PRUNE2: variants seen among roughly 807,000 people sequenced by gnomAD.
The protein encoded by PRUNE2 is protein prune homolog 2.
A neutral mutation model predicts 252.0 loss-of-function variants in PRUNE2; 164 were observed. That is an observed-to-expected ratio of 0.65 (90% CI 0.57 to 0.74). The LOEUF is 0.74. PRUNE2 is among the 30% of genes least tolerant of loss of function. The pLI is 0.00. For synonymous variants in PRUNE2, 1,292 were observed against 1,350.2 expected (o/e 0.96, Z 0.94); for missense variants, 3,495 against 3,711.0 (o/e 0.94, Z 1.51).
intron 16 of PRUNE2, among the ~76,000 whole-genome samples, 186 bp downstream of exon 16, chr9:76,629,006 G>T (rs1836217498): frequency 6.6e-6 from 1 of 152,024 alleles, no homozygotes; most frequent in Admixed American, 6.6e-5. Flanking sequence ...ATCACGCCTG[G>T]CTAATTTTTA....
chr9:76,799,461 T>C (rs1246561839), intron 6 of PRUNE2, among the ~76,000 whole-genome samples: 3 of 152,166 alleles, frequency 2.0e-5, no homozygotes, highest in Non-Finnish European at 2.9e-5. Context: ...AGCATACACA[T>C]TATTACTACA....
At chr9:76,833,930 G>T (rs1420331266) in intron 4 of PRUNE2, among the ~76,000 whole-genome samples, 2 of 147,466 alleles carry the variant, frequency 1.4e-5, no homozygotes, top group African/African-American at 5.0e-5. Context: ...CGCCCAGGCC[G>T]GAGTGCAGTG....
chr9:76,760,449 TCTA>T (rs920710090), intron 6 of PRUNE2, among the ~76,000 whole-genome samples: 2 of 152,164 alleles, frequency 1.3e-5, no homozygotes, highest in Admixed American at 6.5e-5. Flanking sequence ...TTTTCTCTAA[TCTA>T]CTTTTTCCCT....
intron 4 of PRUNE2, among the ~76,000 whole-genome samples, chr9:76,836,932 C>T (rs185715608): frequency 5.9e-5 from 9 of 152,154 alleles, no homozygotes; most frequent in Admixed American, 3.9e-4. Flanking sequence ...TAACGACATC[C>T]GTAATAATCA....
intron 6 of PRUNE2, among the ~76,000 whole-genome samples, chr9:76,750,121 G>C (rs1452349187): frequency 2.6e-5 from 4 of 152,080 alleles, no homozygotes; most frequent in Non-Finnish European, 5.9e-5. Context: ...TCGACCCCTA[G>C]GTACCTCTTC....
chr9:76,776,887 AACACATACACACACACACACAC>A (rs1382525363), intron 6 of PRUNE2, among the ~76,000 whole-genome samples: 49 of 96,556 alleles, frequency 5.1e-4, no homozygotes, highest in Admixed American at 1.9e-3. Flanking sequence ...TCATTACCAA[AACACATACACACACACACACAC>A]ACACACACAC....
Position 76,716,399 on chromosome 9 carries a change from T to C in PRUNE2, c.757-2678A>G, listed in dbSNP as rs530306165. Among the ~76,000 whole-genome samples the C allele has an allele frequency of 2.0e-5, 3 of 152,276 alleles. No homozygotes were observed. In the East Asian group the frequency reaches 5.8e-4, roughly 29 times the overall value. ...CTAGGAATTGGAATGCACGTTGAAA[T>C]CTGAAAAGCACTACTCCAGAGAGGG... On this transcript the variant is annotated intron_variant, in intron 6 of 18. Coordinates refer to ENST00000376718, the MANE Select transcript of PRUNE2 (RefSeq NM_015225.3).
At chr9:76,748,527 G>C (rs2050336483) in intron 6 of PRUNE2, 1 of 152,178 alleles carries the variant, frequency 6.6e-6, no homozygotes, top group Admixed American at 6.5e-5. Context: ...ATGGGTTTTG[G>C]GGGTAATAAA....
intron 1 of PRUNE2, among the ~76,000 whole-genome samples, chr9:76,856,035 A>G (rs1052095853): frequency 2.0e-5 from 3 of 152,254 alleles, no homozygotes; most frequent in Non-Finnish European, 4.4e-5. Flanking sequence ...AGGAAATCAT[A>G]TTACTGCAGA....
At chr9:76,765,635 T>C (rs549828459) in intron 6 of PRUNE2, among the ~76,000 whole-genome samples, 3 of 152,154 alleles carry the variant, frequency 2.0e-5, no homozygotes, top group Admixed American at 6.5e-5. Context: ...CCTCCACCCA[T>C]CCTTCCCTCC....
chr9:76,715,580 A>T (rs1417961528), intron 6 of PRUNE2, among the ~76,000 whole-genome samples: 2 of 152,242 alleles, frequency 1.3e-5, no homozygotes, highest in African/African-American at 4.8e-5. Flanking sequence ...TGATCATATA[A>T]GTCATATGCG....
chr9:76,767,787 G>C (rs761690327), intron 6 of PRUNE2, among the ~76,000 whole-genome samples: 1 of 152,144 alleles, frequency 6.6e-6, no homozygotes, highest in Non-Finnish European at 1.5e-5. Flanking sequence ...AACCCAGCTG[G>C]AGGGAGTGCA....
chr9:76,755,031 T>C (rs904733534), intron 6 of PRUNE2, among the ~76,000 whole-genome samples: 83 of 151,682 alleles, frequency 5.5e-4, no homozygotes, highest in Admixed American at 1.3e-4. Context: ...TTTTTATGGT[T>C]CCTTATCGCT....
At chr9:76,856,090 T>C (rs1291273245) in intron 1 of PRUNE2, among the ~76,000 whole-genome samples, 1 of 152,232 alleles carries the variant, frequency 6.6e-6, no homozygotes, top group Non-Finnish European at 1.5e-5. Context: ...AGACATTACC[T>C]CATTTCTCTT....
intron 12 of PRUNE2, among the ~76,000 whole-genome samples, chr9:76,641,423 TC>T (rs962963199): frequency 5.3e-5 from 8 of 152,200 alleles, no homozygotes; most frequent in Non-Finnish European, 1.2e-4. Context: ...CTGTAATTTT[TC>T]TATAGCTGCT....
At position 76,638,248 on chromosome 9, in the gene PRUNE2, G is replaced by A. The variant is rs758270246; in HGVS notation, c.8769C>T (p.Ala2923=). ...GACTGCTGTCTGGCAGAAAACAGGC[G>A]GCAAACACAATGATGGCATTTAGAC... The part of the protein sequence containing the change: ...GDGLNAIIVF[A]ACFLPDSSRA... The change falls in exon 13 of 19, where the codon GCC becomes GCT. Residue 2923 remains alanine, a synonymous_variant. Transcript: ENST00000376718. The A allele has an allele frequency of 2.3e-5, 37 of 1,613,772 alleles. No individual in the cohort carries two copies. Among genetic ancestry groups the A allele is most frequent in the Middle Eastern group, 1.7e-4 (1 of 6,060 alleles).
chr9:76,825,624 C>T (rs1050215564), intron 5 of PRUNE2, among the ~76,000 whole-genome samples: 1 of 152,328 alleles, frequency 6.6e-6, no homozygotes. Flanking sequence ...GGCCACCTGC[C>T]TGCTATGTGT....
intron 4 of PRUNE2, among the ~76,000 whole-genome samples, chr9:76,846,151 A>T (rs2059660108): frequency 6.6e-6 from 1 of 152,134 alleles, no homozygotes; most frequent in African/African-American, 2.4e-5. Context: ...CAGATATTTC[A>T]ACCTGGGAAC....
At chr9:76,623,419 C>T (rs765124678) in intron 17 of PRUNE2, among the ~76,000 whole-genome samples, 5 of 151,992 alleles carry the variant, frequency 3.3e-5, no homozygotes, top group South Asian at 2.1e-4. Context: ...CTCAGCCTCC[C>T]GAGTAGCTCG....
Sources: gnomAD v4.1 joint callset for allele counts (sites outside exome capture counted in the v4.1 genomes callset) on GRCh38, gnomAD v4.1.1 for gene constraint, MANE v1.5 for transcripts, NCBI Gene and HGNC (gene_info 2026-07-23, HGNC 2026-07-21) for gene names.